The following ASTN2 variants were observed in gnomAD, a reference collection of about 807,000 sequenced individuals.
ASTN2 encodes the protein astrotactin-2.
A neutral mutation model predicts 139.8 loss-of-function variants in ASTN2; 54 were observed. That is an observed-to-expected ratio of 0.39 (90% CI 0.31 to 0.48). The LOEUF (loss-of-function observed/expected upper bound fraction) is 0.48, where lower values mean the gene tolerates loss of function less well. Ranked by LOEUF, ASTN2 falls within the 20% of genes least tolerant of loss-of-function variation. ASTN2 has a pLI of 0.95. For synonymous variants in ASTN2, 756 were observed against 719.5 expected, an observed-to-expected ratio of 1.05 and a Z score of -0.81; for missense variants, 1,565 against 1,725.1, an observed-to-expected ratio of 0.91 and a Z score of 1.64.
At chr9:116,471,208 C>T (rs970025557) in intron 20 of ASTN2, among the ~76,000 whole-genome samples, 2 of 152,116 alleles carry the variant, frequency 1.3e-5, no homozygotes, top group Non-Finnish European at 2.9e-5. Flanking sequence ...AGTTACTACA[C>T]TCTTTGGAGG....
At chr9:117,043,992 G>A (rs1436656328) in intron 5 of ASTN2, among the ~76,000 whole-genome samples, 1 of 151,950 alleles carries the variant, frequency 6.6e-6, no homozygotes, top group African/African-American at 2.4e-5. Flanking sequence ...TTTATTGGCT[G>A]TTAGTTTTCT....
At chr9:116,946,873 C>T (rs1835409907) in intron 10 of ASTN2, among the ~76,000 whole-genome samples, 1 of 137,842 alleles carries the variant, frequency 7.3e-6, no homozygotes, top group Admixed American at 8.2e-5. Context: ...CCCCAACCTC[C>T]ATAATGGGAA....
intron 16 of ASTN2, among the ~76,000 whole-genome samples, chr9:116,706,393 A>C (rs1827989049): frequency 6.6e-6 from 1 of 151,922 alleles, no homozygotes; most frequent in Non-Finnish European, 1.5e-5. Flanking sequence ...AGAAAGCTCA[A>C]ATGCTTCCAC....
intron 1 of ASTN2, among the ~76,000 whole-genome samples, chr9:117,403,881 C>T (rs934072030): frequency 4.6e-5 from 7 of 152,092 alleles, no homozygotes; most frequent in Non-Finnish European, 4.4e-5. Flanking sequence ...AATGAGCAGA[C>T]ATCAATGGTC....
At chr9:117,241,276 A>C (rs1202823845) in intron 2 of ASTN2, among the ~76,000 whole-genome samples, 1 of 152,174 alleles carries the variant, frequency 6.6e-6, no homozygotes, top group Admixed American at 6.5e-5. Flanking sequence ...AAATTTGACA[A>C]CTGCACTCCT....
chr9:116,437,580 G>C (rs1847699136), intron 22 of ASTN2: 1 of 471,080 alleles, frequency 2.1e-6, no homozygotes. Flanking sequence ...GCTCATAAAG[G>C]ATTCCAGGAG....
chr9:117,357,223 C>T (rs1203869637), intron 1 of ASTN2, among the ~76,000 whole-genome samples: 3 of 151,950 alleles, frequency 2.0e-5, no homozygotes, highest in African/African-American at 7.3e-5. Context: ...ATTTTTAAGT[C>T]AAAAGAATTT....
chr9:116,993,640 T>C (rs972338051), intron 7 of ASTN2, among the ~76,000 whole-genome samples: 5 of 148,370 alleles, frequency 3.4e-5, no homozygotes, highest in African/African-American at 9.8e-5. Flanking sequence ...AGTAATAAAA[T>C]ATATAAATTA....
At chr9:116,822,193 C>CA (rs373782056) in intron 11 of ASTN2, among the ~76,000 whole-genome samples, 7,174 of 50,786 alleles carry the variant, frequency 0.14, 384 homozygotes, top group African/African-American at 0.32. Flanking sequence ...ACCACAATAA[C>CA]AAAAAAAAAA....
intron 19 of ASTN2, among the ~76,000 whole-genome samples, chr9:116,512,367 C>T (rs1850430793): frequency 6.6e-6 from 1 of 152,150 alleles, no homozygotes; most frequent in Non-Finnish European, 1.5e-5. Flanking sequence ...TTCTGAGAGA[C>T]AGTTTGTTTT....
chr9:116,512,540 C>T lies in ASTN2; in HGVS notation c.3356-25040G>A, dbSNP rs181935890. 2.6e-5 allele frequency among the ~76,000 whole-genome samples: 4 copies of T among 152,178 alleles called. No individual in the cohort carries two copies. The East Asian group carries it at 7.7e-4, about 29-fold the overall frequency. On this transcript the variant is annotated intron_variant, in intron 19 of 22. Transcript: ENST00000313400. The stretch of plus-strand genomic sequence containing the variant: ...GGTCCGCTTGGTGTAGAGTTGAGTT[C>T]AATTCCTGGATATCCTCGTTAACTT...
chr9:117,247,604 CA>C (rs1833419305), intron 2 of ASTN2, among the ~76,000 whole-genome samples: 1 of 152,104 alleles, frequency 6.6e-6, no homozygotes, highest in Non-Finnish European at 1.5e-5. Context: ...AAATTAAAAA[CA>C]AAAACAAAAA....
chr9:117,223,411 T>G (rs547044752), intron 2 of ASTN2, among the ~76,000 whole-genome samples: 1 of 151,980 alleles, frequency 6.6e-6, no homozygotes, highest in East Asian at 1.9e-4. Context: ...TAGCGCAGAG[T>G]TTGAGAGTCC....
chr9:116,825,800 C>T (rs1831607797), intron 11 of ASTN2, among the ~76,000 whole-genome samples: 1 of 152,228 alleles, frequency 6.6e-6, no homozygotes, highest in African/African-American at 2.4e-5. Context: ...TTGCATAAAA[C>T]CATTGCCACA....
intron 19 of ASTN2, chr9:116,611,609 C>T (rs537678583): frequency 7.9e-5 from 12 of 151,986 alleles, no homozygotes; most frequent in South Asian, 2.1e-4. Flanking sequence ...AGAATAGTAA[C>T]GGAATGTCAT....
At chr9:116,711,505 T>G (rs1828162150) in intron 16 of ASTN2, among the ~76,000 whole-genome samples, 1 of 152,204 alleles carries the variant, frequency 6.6e-6, no homozygotes, top group South Asian at 2.1e-4. Flanking sequence ...CAAACTGTAT[T>G]TTTCATGTCT....
intron 16 of ASTN2, chr9:116,697,434 G>GT (rs1428941048): frequency 5.4e-6 from 2 of 371,074 alleles, no homozygotes; most frequent in African/African-American, 4.1e-5. Flanking sequence ...ATGCAGCTAA[G>GT]TAAGTGTCTG....
intron 10 of ASTN2, among the ~76,000 whole-genome samples, chr9:116,906,522 C>T (rs149895341): frequency 2.6e-5 from 4 of 152,170 alleles, no homozygotes; most frequent in Non-Finnish European, 4.4e-5. Context: ...CTCTTCCCAA[C>T]GCCCATGGAA....
intron 19 of ASTN2, among the ~76,000 whole-genome samples, chr9:116,487,970 T>C (rs1849394846): frequency 6.6e-6 from 1 of 152,138 alleles, no homozygotes; most frequent in South Asian, 2.1e-4. Flanking sequence ...ATTGCCACTG[T>C]TAGGCATGGG....
Sources: allele counts gnomAD v4.1 joint callset (sites outside exome capture counted in the v4.1 genomes callset), GRCh38; gene constraint gnomAD v4.1.1; transcripts MANE v1.5; gene names NCBI Gene and HGNC (gene_info 2026-07-23, HGNC 2026-07-21).